Variants in ZNF766 observed in about 807,000 individuals in gnomAD.
ZNF766 encodes zinc finger protein 766.
ZNF766 carries 13 observed loss-of-function variants against 13.2 expected under a neutral mutation model. The observed-to-expected ratio is 0.98, with a 90% CI of 0.64 to 1.56. The LOEUF (loss-of-function observed/expected upper bound fraction) is 1.56. Ranked by LOEUF, ZNF766 falls within the 40% of genes most tolerant of loss-of-function variation. ZNF766 has a pLI of 0.00. For missense variants in ZNF766, 521 were observed against 552.2 expected, an observed-to-expected ratio of 0.94 and a Z score of 0.57; for synonymous variants, 178 against 187.6, an observed-to-expected ratio of 0.95 and a Z score of 0.42.
intron 1 of ZNF766, 127 bp downstream of exon 1, chr19:52,269,758 T>C: frequency 5.5e-6 from 7 of 1,272,474 alleles, no homozygotes; most frequent in Non-Finnish European, 6.5e-6. Flanking sequence ...AGTAAATTCA[T>C]GCGTCCCGTC....
At chr19:52,290,014 A>G (rs1209893520) in intron 3 of ZNF766, 52 bp from the exon 4 acceptor site, 2 of 1,525,240 alleles carry the variant, frequency 1.3e-6, no homozygotes, top group Non-Finnish European at 1.8e-6. Context: ...AAAAGTGCAA[A>G]AAACATGCCA....
chr19:52,292,087 AAAG>A lies in ZNF766; in HGVS notation c.*890_*892del. 1 of 696,890 alleles carries A rather than the reference AAAG, an allele frequency of 1.4e-6. No homozygotes were observed. The highest frequency in any genetic ancestry group is 1.8e-5 in the African/African-American group (1 of 56,842). 43.2% of individuals were successfully genotyped at this position (696,890 alleles called of 1,614,324 possible). On this transcript the variant is annotated 3_prime_UTR_variant, in exon 4 of 4. Transcript: ENST00000439461. ...GCGAGACCCTGTCTCAAAAGAAAAA[AAAG>A]GCTAGTTTTTATGACTTCAACCTGA...
At chr19:52,289,421 G>A (rs1981999376) in intron 3 of ZNF766, among the ~76,000 whole-genome samples, 1 of 151,746 alleles carries the variant, frequency 6.6e-6, no homozygotes, top group South Asian at 2.1e-4. Context: ...CAAAGTGCTG[G>A]GATTACAGCC....
At chr19:52,274,154 TTGTCCTGTA>T (rs1981091751) in intron 1 of ZNF766, among the ~76,000 whole-genome samples, 1 of 152,208 alleles carries the variant, frequency 6.6e-6, no homozygotes, top group East Asian at 1.9e-4. Flanking sequence ...AATCATCTCT[TTGTCCTGTA>T]TGTCCCCCTG....
rs746045256 is a variant in ZNF766, at chr19:52,290,072, G to A, written c.281G>A (p.Ser94Asn). The A allele has an allele frequency of 6.9e-6, 11 of 1,605,610 alleles. No homozygotes were observed. The highest frequency in any genetic ancestry group is 1.7e-4 in the Middle Eastern group (1 of 6,032). Residue 94 changes from serine to asparagine, a missense_variant, in exon 4 of 4, where the codon AGC becomes AAC. Coordinates refer to ENST00000439461, the MANE Select transcript of ZNF766 (RefSeq NM_001010851.3). ...TCTTTACTTGCTTTCCTAGGGAGGA[G>A]CTGTGCAGTGAGAAGCAAAGCAGGA... The part of the protein sequence containing the change: ...EGIKDINTGR[S>N]CAVRSKAGNK...
chr19:52,283,836 C>T (rs1018522611), intron 3 of ZNF766, among the ~76,000 whole-genome samples: 2 of 152,216 alleles, frequency 1.3e-5, no homozygotes, highest in African/African-American at 2.4e-5. Flanking sequence ...CTCCCGGGTA[C>T]AAGTGAGTCC....
Position 52,295,596 on chromosome 19 carries a change from A to G in ZNF766, c.*4398A>G, listed in dbSNP as rs755714597. The G allele has an allele frequency of 6.6e-6, 1 of 152,278 alleles. No individual in the cohort carries two copies. The highest frequency in any genetic ancestry group is 1.5e-5 in the Non-Finnish European group (1 of 68,056). The allele number at this position is 152,278 out of a possible 1,614,324, so 9.4% of individuals were successfully genotyped here. Reference sequence around the variant, plus strand: ...ATATTTTTTGACAAGAGTATGCACAAGACAATGGCAGGTATAAACGTTTTA... The same window carrying G: ...ATATTTTTTGACAAGAGTATGCACAGGACAATGGCAGGTATAAACGTTTTA... On this transcript the variant is annotated 3_prime_UTR_variant, in exon 4 of 4. Transcript: ENST00000439461.
At chr19:52,279,789 CTTTTTTTTTTTT>C (rs984101828) in intron 1 of ZNF766, among the ~76,000 whole-genome samples, 3 of 64,868 alleles carry the variant, frequency 4.6e-5, no homozygotes, top group African/African-American at 6.9e-5. Context: ...TTTACCTTTT[CTTTTTTTTTTTT>C]TTTTTTTTTT....
intron 3 of ZNF766, chr19:52,285,150 G>T (rs1216527221): frequency 6.6e-6 from 1 of 152,084 alleles, no homozygotes; most frequent in Non-Finnish European, 1.5e-5. Context: ...GGTATCTCAG[G>T]GTTTTTTAGC....
intron 2 of ZNF766, among the ~76,000 whole-genome samples, chr19:52,282,786 A>G (rs533951618): frequency 2.6e-5 from 4 of 152,284 alleles, no homozygotes; most frequent in African/African-American, 9.6e-5. Context: ...CCTTATGACA[A>G]ACTTTTAAAA....
intron 1 of ZNF766, chr19:52,277,279 G>A: frequency 2.0e-6 from 2 of 1,021,686 alleles, no homozygotes; most frequent in South Asian, 1.8e-5. Context: ...CTAACACGGT[G>A]AAACCCCGTC....
chr19:52,280,687 G>A (rs1040769754), intron 1 of ZNF766, among the ~76,000 whole-genome samples: 28 of 151,850 alleles, frequency 1.8e-4, no homozygotes, highest in East Asian at 2.0e-4. Context: ...GGTTCAAGCG[G>A]TTCTTCTGCC....
At chr19:52,286,322 CTT>C (rs1164613687) in intron 3 of ZNF766, among the ~76,000 whole-genome samples, 1 of 119,838 alleles carries the variant, frequency 8.3e-6, no homozygotes, top group Non-Finnish European at 1.7e-5. Context: ...GTTTTTCTTT[CTT>C]TTTTTTTTTT....
At chr19:52,279,259 T>A (rs750495243) in intron 1 of ZNF766, among the ~76,000 whole-genome samples, 1 of 152,176 alleles carries the variant, frequency 6.6e-6, no homozygotes, top group Non-Finnish European at 1.5e-5. Flanking sequence ...CAGTACCATG[T>A]TGTTTTGGTT....
rs780177072 is a variant in ZNF766 at position 52,291,242 on chromosome 19, G to A, written c.*44G>A. On this transcript the variant is annotated 3_prime_UTR_variant, in exon 4 of 4. Coordinates refer to ENST00000439461, the MANE Select transcript of ZNF766 (RefSeq NM_001010851.3). The stretch of plus-strand genomic sequence containing the variant: ...TAAGTTCTAGCAGTAATCAACATCC[G>A]AGAGTCTATACTAGAAAGAAATCAT... 1.3e-5 allele frequency: 19 copies of A among 1,510,672 alleles called. No homozygotes were observed. In the African/African-American group the frequency reaches 1.4e-4, roughly 11 times the overall value. 93.6% of individuals were successfully genotyped at this position (1,510,672 alleles called of 1,614,324 possible).
Position 52,295,877 on chromosome 19 carries a change from TGTTG to T in ZNF766, c.*4683_*4686del, listed in dbSNP as rs1302438308. On this transcript the variant is annotated 3_prime_UTR_variant, in exon 4 of 4. Transcript: ENST00000439461. ...GCTATTCCAGGTTTTTTGGGATTTC[TGTTG>T]GTTTGTTTTGTTTTTTGCTTTTCTA... 6.6e-6 allele frequency: 1 copy of T among 152,090 alleles called. No homozygotes were observed. Among genetic ancestry groups the T allele is most frequent in the Non-Finnish European group, 1.5e-5 (1 of 68,022 alleles). The allele number at this position is 152,090 out of a possible 1,614,324, so 9.4% of individuals were successfully genotyped here.
rs1474653833 is a variant in ZNF766, at chr19:52,294,210, CAT to C, written c.*3014_*3015del. On this transcript the variant is annotated 3_prime_UTR_variant, in exon 4 of 4. Coordinates refer to ENST00000439461, the MANE Select transcript of ZNF766 (RefSeq NM_001010851.3). ...CTGTTGACCTCGTAGCGCTCAGTGA[CAT>C]AATTTGAAAAAATATTAATGTTCAG... 4.6e-5 allele frequency: 7 copies of C among 152,124 alleles called. No homozygotes were observed. Among genetic ancestry groups the C allele is most frequent in the African/African-American group, 1.7e-4 (7 of 41,428 alleles). The allele number at this position is 152,124 out of a possible 1,614,324, so 9.4% of individuals were successfully genotyped here.
At chr19:52,270,346 G>A (rs1980923347) in intron 1 of ZNF766, among the ~76,000 whole-genome samples, 2 of 152,142 alleles carry the variant, frequency 1.3e-5, no homozygotes, top group Non-Finnish European at 2.9e-5. Context: ...CAACGCAGAG[G>A]GAGGGTGAGA....
chr19:52,277,639 C>A, intron 1 of ZNF766: 1 of 1,336,176 alleles, frequency 7.5e-7, no homozygotes, highest in Non-Finnish European at 1.0e-6. Context: ...AAGCATCCTG[C>A]CTGACAGGTT....
Sources: gnomAD v4.1 joint callset for allele counts (sites outside exome capture counted in the v4.1 genomes callset) on GRCh38, gnomAD v4.1.1 for gene constraint, MANE v1.5 for transcripts, NCBI Gene and HGNC (gene_info 2026-07-23, HGNC 2026-07-21) for gene names.